The following SPATA13 variants were observed in gnomAD, a reference collection of about 807,000 sequenced individuals.
SPATA13 encodes the protein spermatogenesis associated 13.
A neutral mutation model predicts 104.0 loss-of-function variants in SPATA13; 50 were observed. That is an observed-to-expected ratio of 0.48 (90% CI 0.38 to 0.61). The LOEUF (loss-of-function observed/expected upper bound fraction) is 0.61, where lower values mean the gene tolerates loss of function less well. SPATA13 is among the 20% of genes least tolerant of loss of function. The pLI is 0.00. For missense variants in SPATA13, 1,524 were observed against 1,690.6 expected, an observed-to-expected ratio of 0.90 and a Z score of 1.73; for synonymous variants, 606 against 667.5, an observed-to-expected ratio of 0.91 and a Z score of 1.42.
chr13:24,253,861 A>G (rs1873641799), intron 4 of SPATA13, among the ~76,000 whole-genome samples: 1 of 152,198 alleles, frequency 6.6e-6, no homozygotes, highest in African/African-American at 2.4e-5. Context: ...ACAGGAGCTC[A>G]GGGAGCAAGA....
At chr13:24,164,653 C>T (rs1039422405) in intron 1 of SPATA13, among the ~76,000 whole-genome samples, 6 of 152,156 alleles carry the variant, frequency 3.9e-5, no homozygotes, top group African/African-American at 4.8e-5. Flanking sequence ...GGGAAGCTGT[C>T]GTGGCCAGAG....
At chr13:24,151,902 A>G (rs988991292) in intron 3 of SPATA13, among the ~76,000 whole-genome samples, 6 of 152,300 alleles carry the variant, frequency 3.9e-5, no homozygotes, top group East Asian at 1.9e-4. Flanking sequence ...TTTAGCTAAC[A>G]CTAGTGAATT....
intron 3 of SPATA13, among the ~76,000 whole-genome samples, chr13:24,069,947 A>G (rs1162537452): frequency 6.6e-6 from 1 of 152,092 alleles, no homozygotes; most frequent in Non-Finnish European, 1.5e-5. Flanking sequence ...ATGTGAGTTC[A>G]CTCTGGGAGG....
chr13:24,171,273 G>A (rs114707503), intron 1 of SPATA13, among the ~76,000 whole-genome samples: 59 of 152,188 alleles, frequency 3.9e-4, no homozygotes, highest in African/African-American at 1.4e-3. Context: ...TGTGTTCAGC[G>A]CTGTCATTTT....
rs546267971 is a variant in SPATA13, at chr13:24,299,172, A to G, written c.3584-1229A>G. On this transcript the variant is annotated intron_variant, in intron 11 of 12. Coordinates refer to ENST00000382108, the MANE Select transcript of SPATA13 (RefSeq NM_001166271.3). ...GTTGTCTAGCGCAGGCCCTGAAGTC[A>G]TCTGTAAGTCAGAGTGTTTGGATTC... 3.9e-5 allele frequency among the ~76,000 whole-genome samples: 6 copies of G among 152,348 alleles called. 1 individual carries two copies. In the South Asian group the frequency reaches 1.2e-3, roughly 32 times the overall value.
intron 1 of SPATA13, among the ~76,000 whole-genome samples, chr13:24,172,918 G>A (rs1267113404): frequency 6.6e-6 from 1 of 152,140 alleles, no homozygotes; most frequent in South Asian, 2.1e-4. Context: ...ACTATGTTAA[G>A]TTTCTGATCA....
intron 3 of SPATA13, among the ~76,000 whole-genome samples, chr13:24,069,716 C>T (rs1326525670): frequency 1.3e-5 from 2 of 152,154 alleles, no homozygotes; most frequent in African/African-American, 2.4e-5. Context: ...TGTTTGAACA[C>T]GTACAGCATT....
intron 2 of SPATA13, among the ~76,000 whole-genome samples, chr13:24,012,251 CAGA>C (rs1876502848): frequency 2.0e-5 from 3 of 152,214 alleles, no homozygotes. Context: ...GGGACTCCTC[CAGA>C]AGAGATAACT....
At chr13:24,146,626 A>G (rs1200377365) in intron 3 of SPATA13, among the ~76,000 whole-genome samples, 1 of 122,048 alleles carries the variant, frequency 8.2e-6, no homozygotes, top group Non-Finnish European at 1.8e-5. Flanking sequence ...CACTAAGGAA[A>G]TGGAAATGCA....
chr13:24,111,410 C>T (rs775382896), intron 3 of SPATA13, among the ~76,000 whole-genome samples: 10 of 150,556 alleles, frequency 6.6e-5, no homozygotes, highest in South Asian at 2.1e-4. Flanking sequence ...TGTCCTGCCC[C>T]GCCACCCCCA....
intron 3 of SPATA13, among the ~76,000 whole-genome samples, chr13:24,049,898 A>C (rs1052324037): frequency 1.3e-5 from 2 of 152,098 alleles, no homozygotes; most frequent in Non-Finnish European, 2.9e-5. Flanking sequence ...TTTGAGACAG[A>C]GTCTTGCTCT....
chr13:24,052,314 G>A (rs1471483664), intron 3 of SPATA13, among the ~76,000 whole-genome samples: 1 of 152,068 alleles, frequency 6.6e-6, no homozygotes, highest in Non-Finnish European at 1.5e-5. Context: ...TGAGGCCAGA[G>A]GATTGCTTGA....
intron 4 of SPATA13, among the ~76,000 whole-genome samples, chr13:24,258,759 AG>A (rs1404892224): frequency 6.6e-6 from 1 of 152,226 alleles, no homozygotes; most frequent in East Asian, 1.9e-4. Flanking sequence ...TGATAAATCC[AG>A]CATGCTACAT....
intron 3 of SPATA13, among the ~76,000 whole-genome samples, chr13:24,103,765 G>A (rs904573233): frequency 5.3e-5 from 8 of 152,048 alleles, no homozygotes; most frequent in Non-Finnish European, 1.2e-4. Flanking sequence ...AGAGGGTAGT[G>A]AGATAAGGTT....
intron 1 of SPATA13, among the ~76,000 whole-genome samples, chr13:23,983,463 G>A (rs1307477157): frequency 6.6e-6 from 1 of 152,166 alleles, no homozygotes; most frequent in African/African-American, 2.4e-5. Flanking sequence ...ACTTCATCCT[G>A]TGAATTTTGA....
chr13:24,157,499 A>G (rs1429639346), upstream of SPATA13, among the ~76,000 whole-genome samples: 1 of 152,006 alleles, frequency 6.6e-6, no homozygotes, highest in East Asian at 1.9e-4. Flanking sequence ...ACGGGGTTTC[A>G]CCGTGTTAGC....
intron 1 of SPATA13, among the ~76,000 whole-genome samples, chr13:24,189,493 ACGTG>A (rs200683336): frequency 7.4e-5 from 10 of 134,736 alleles, no homozygotes; most frequent in East Asian, 2.0e-4. Context: ...CTATATATAT[ACGTG>A]TATATATATA....
chr13:23,994,429 G>A (rs1006611707), intron 2 of SPATA13, among the ~76,000 whole-genome samples: 1 of 152,198 alleles, frequency 6.6e-6, no homozygotes, highest in Admixed American at 6.5e-5. Context: ...GGAGGATGAG[G>A]TATCATCCTT....
chr13:24,299,162 C>T (rs1877002381), intron 11 of SPATA13, among the ~76,000 whole-genome samples: 1 of 152,212 alleles, frequency 6.6e-6, no homozygotes, highest in African/African-American at 2.4e-5. Context: ...CTAGCGCAGG[C>T]CCTGAAGTCA....
Sources: allele counts gnomAD v4.1 joint callset (sites outside exome capture counted in the v4.1 genomes callset), GRCh38; gene constraint gnomAD v4.1.1; transcripts MANE v1.5; gene names NCBI Gene and HGNC (gene_info 2026-07-23, HGNC 2026-07-21).